The following JMJD1C variants were observed in gnomAD, a reference collection of about 807,000 sequenced individuals.
JMJD1C encodes the protein jumonji domain-containing protein 1C.
Under a neutral mutation model 245.3 loss-of-function variants are expected in JMJD1C, and 31 were observed. The observed-to-expected ratio is 0.13, with a 90% CI of 0.09 to 0.17. JMJD1C has a LOEUF of 0.17. Ranked by LOEUF, JMJD1C falls within the 10% of genes least tolerant of loss-of-function variation. The probability of loss-of-function intolerance (pLI) is 1.00; values close to 1 mark genes in which losing one functional copy is unlikely to be tolerated. For synonymous variants in JMJD1C, 1,057 were observed against 1,017.4 expected (o/e 1.04, Z -0.74); for missense variants, 2,691 against 3,000.2 (o/e 0.90, Z 2.41).
Position 63,184,784 on chromosome 10 carries a change from G to T in JMJD1C, c.6831-46C>A, listed in dbSNP as rs747901166. On this transcript the variant is annotated intron_variant, in intron 20 of 25. Coordinates refer to ENST00000399262, the MANE Select transcript of JMJD1C (RefSeq NM_032776.3). ...CTTCTTATAAATAAAGATTTGCATTGCTAAGTATTTTCACATATATAATTT... is the reference window on the plus strand; with the variant it reads ...CTTCTTATAAATAAAGATTTGCATTTCTAAGTATTTTCACATATATAATTT... The T allele has an allele frequency of 2.0e-6, 3 of 1,537,494 alleles. No homozygotes were observed. The Admixed American group carries it at 5.8e-5, about 30-fold the overall frequency.
chr10:63,301,873 G>T, intron 2 of JMJD1C: 1 of 366,264 alleles, frequency 2.7e-6, no homozygotes, highest in South Asian at 2.1e-5. Flanking sequence ...AATGGCTAAA[G>T]AATTCTGTTC....
intron 4 of JMJD1C, among the ~76,000 whole-genome samples, chr10:63,218,411 TTA>T (rs1461482238): frequency 6.6e-6 from 1 of 152,114 alleles, no homozygotes; most frequent in Non-Finnish European, 1.5e-5. Context: ...TGGCTATAAT[TTA>T]AGGGAGGTGA....
chr10:63,168,172 G>C (rs376398448), intron 25 of JMJD1C, 38 bp from the exon 26 acceptor site: 2 of 1,365,018 alleles, frequency 1.5e-6, no homozygotes, highest in Non-Finnish European at 2.1e-6. Context: ...ACTTCAGTTC[G>C]ACAGAAATTA....
chr10:63,510,794 T>G (rs1954850949), intron 1 of JMJD1C, among the ~76,000 whole-genome samples: 1 of 152,242 alleles, frequency 6.6e-6, no homozygotes, highest in Non-Finnish European at 1.5e-5. Context: ...AGTGTTAAAG[T>G]GTCCAATTAT....
chr10:63,202,513 G>C, intron 10 of JMJD1C: 1 of 985,378 alleles, frequency 1.0e-6, no homozygotes, highest in Non-Finnish European at 1.2e-6. Flanking sequence ...ACAAAGCACT[G>C]TGTTTAAATA....
intron 1 of JMJD1C, among the ~76,000 whole-genome samples, chr10:63,438,390 A>G (rs1167217120): frequency 6.6e-6 from 1 of 152,102 alleles, no homozygotes; most frequent in Non-Finnish European, 1.5e-5. Flanking sequence ...CATTGCTATC[A>G]CCATGATCTA....
chr10:63,361,118 A>T (rs944363092), intron 2 of JMJD1C, among the ~76,000 whole-genome samples: 9 of 152,192 alleles, frequency 5.9e-5, no homozygotes, highest in Admixed American at 4.6e-4. Context: ...AGTTATTTTA[A>T]TGTTTTAAGA....
intron 3 of JMJD1C, among the ~76,000 whole-genome samples, chr10:63,242,608 C>T (rs1291645235): frequency 6.6e-6 from 1 of 152,158 alleles, no homozygotes; most frequent in Admixed American, 6.5e-5. Context: ...TGCCTGCAGT[C>T]CCAGCAACTT....
In JMJD1C at chr10:63,315,850, A is replaced by G. The variant is rs375810867; in HGVS notation, c.334-51086T>C. Among the ~76,000 whole-genome samples, 33 of 151,306 alleles carry G rather than the reference A, an allele frequency of 2.2e-4. No individual in the cohort carries two copies. The East Asian group carries it at 6.4e-3, about 29-fold the overall frequency. On this transcript the variant is annotated intron_variant, in intron 2 of 25. Coordinates refer to ENST00000399262, the MANE Select transcript of JMJD1C (RefSeq NM_032776.3). Reference sequence around the variant, plus strand: ...TGAGACACCGTCTCAAAAAAAAAAAAAAAACACCACGAAAAAAAAAAAGAA... The same window carrying G: ...TGAGACACCGTCTCAAAAAAAAAAAGAAAACACCACGAAAAAAAAAAAGAA...
At chr10:63,496,691 T>C (rs1954376421) in intron 1 of JMJD1C, among the ~76,000 whole-genome samples, 1 of 152,236 alleles carries the variant, frequency 6.6e-6, no homozygotes, top group African/African-American at 2.4e-5. Context: ...AAATGAAGAC[T>C]ATATATGACC....
chr10:63,366,383 C>G (rs1945841447), intron 2 of JMJD1C, among the ~76,000 whole-genome samples: 1 of 151,988 alleles, frequency 6.6e-6, no homozygotes, highest in Non-Finnish European at 1.5e-5. Flanking sequence ...GATTCTGCAC[C>G]CTATGTCTCT....
intron 3 of JMJD1C, among the ~76,000 whole-genome samples, chr10:63,234,407 T>C (rs1034952975): frequency 1.4e-5 from 2 of 147,730 alleles, no homozygotes; most frequent in South Asian, 2.1e-4. Flanking sequence ...AGTGGGAGGA[T>C]TGCTTGAGCA....
chr10:63,315,034 AC>A (rs1296774446), intron 2 of JMJD1C, among the ~76,000 whole-genome samples: 1 of 149,258 alleles, frequency 6.7e-6, no homozygotes, highest in Non-Finnish European at 1.5e-5. Context: ...GCTCAGTGCA[AC>A]CTCCGCCTCC....
At chr10:63,259,003 C>T (rs1426113894) in intron 3 of JMJD1C, among the ~76,000 whole-genome samples, 1 of 152,154 alleles carries the variant, frequency 6.6e-6, no homozygotes, top group Non-Finnish European at 1.5e-5. Flanking sequence ...TTCTCATTCA[C>T]ACTATAGAAA....
At chr10:63,408,174 C>T (rs951545490) in intron 1 of JMJD1C, among the ~76,000 whole-genome samples, 1 of 152,068 alleles carries the variant, frequency 6.6e-6, no homozygotes, top group African/African-American at 2.4e-5. Flanking sequence ...GAGGCCGAGG[C>T]AGGTGGATCA....
intron 3 of JMJD1C, among the ~76,000 whole-genome samples, chr10:63,246,590 T>C (rs184063959): frequency 5.5e-4 from 83 of 152,050 alleles, no homozygotes; most frequent in African/African-American, 1.9e-3. Context: ...GAATGTAAGA[T>C]ATAAGTTCTT....
At chr10:63,465,147 C>A (rs1424312356) in intron 1 of JMJD1C, 2 of 322,872 alleles carry the variant, frequency 6.2e-6, no homozygotes, top group Non-Finnish European at 1.1e-5. Context: ...CCTACCCCCA[C>A]CTGCCCGCGC....
intron 1 of JMJD1C, among the ~76,000 whole-genome samples, chr10:63,476,649 T>C (rs1484393851): frequency 1.3e-5 from 2 of 152,002 alleles, no homozygotes; most frequent in East Asian, 3.9e-4. Context: ...GGATTGCTTA[T>C]GTCCAGAAGA....
upstream of JMJD1C, among the ~76,000 whole-genome samples, chr10:63,467,009 TAA>T (rs11359293): frequency 6.7e-6 from 1 of 149,708 alleles, no homozygotes; most frequent in Non-Finnish European, 1.5e-5. Context: ...AACCTCTATT[TAA>T]AAAAAAAAAG....
Sources: allele counts gnomAD v4.1 joint callset (sites outside exome capture counted in the v4.1 genomes callset), GRCh38; gene constraint gnomAD v4.1.1; transcripts MANE v1.5; gene names NCBI Gene and HGNC (gene_info 2026-07-23, HGNC 2026-07-21).